DUSP22: variants seen among roughly 807,000 people sequenced by gnomAD.
DUSP22 encodes dual specificity phosphatase 22, also known as dual specificity protein phosphatase 22.
Under a neutral mutation model 24.5 loss-of-function variants are expected in DUSP22, and 24 were observed. The ratio of observed to expected loss-of-function variants is 0.98; its 90% confidence interval spans 0.71 to 1.38. DUSP22 has a LOEUF of 1.38. DUSP22 is among the 40% of genes most tolerant of loss of function. The probability of loss-of-function intolerance (pLI) is 0.00; values close to 1 mark genes in which losing one functional copy is unlikely to be tolerated. For synonymous variants in DUSP22, 160 were observed against 106.4 expected (o/e 1.50, Z -3.10); for missense variants, 330 against 269.2 (o/e 1.23, Z -1.58).
At chr6:326,494 G>T (rs1758880224) in intron 3 of DUSP22, among the ~76,000 whole-genome samples, 1 of 108,526 alleles carries the variant, frequency 9.2e-6, no homozygotes. Flanking sequence ...ATCTGCGGGT[G>T]CCTGGAGAGT....
Position 348,999 on chromosome 6 carries a change from C to G in DUSP22, c.*48C>G. 1.9e-6 allele frequency: 3 copies of G among 1,549,552 alleles called. No homozygotes were observed. The highest frequency in any genetic ancestry group is 1.7e-6 in the Non-Finnish European group (2 of 1,146,266). On this transcript the variant is annotated 3_prime_UTR_variant, in exon 7 of 7. Coordinates refer to ENST00000419235, the MANE Select transcript of DUSP22 (RefSeq NM_001286555.3). The stretch of plus-strand genomic sequence containing the variant: ...TTCCCACTGCTTGTCTTCAGTGTGC[C>G]CGGCTGGGCAGGGGTGCGGTGGTGG...
At chr6:346,904 C>T (rs562067110) in intron 5 of DUSP22, among the ~76,000 whole-genome samples, 1 of 152,422 alleles carries the variant, frequency 6.6e-6, no homozygotes, top group East Asian at 1.9e-4. Flanking sequence ...ATAATGTGTT[C>T]TGAGGGCCGA....
rs1760100337 is a variant in DUSP22, at chr6:349,784, C to T, written c.*833C>T. 4.1e-6 allele frequency: 4 copies of T among 985,862 alleles called. No homozygotes were observed. The highest frequency in any genetic ancestry group is 9.4e-5 in the South Asian group (2 of 21,300). 61.1% of individuals were successfully genotyped at this position (985,862 alleles called of 1,614,324 possible). ...CAAGGCCACTTTTCAGCCCATCGAG[C>T]CCTGAGTTCTACTTGGTGTTTGTTC... is the stretch of plus-strand genomic sequence containing the variant. On this transcript the variant is annotated 3_prime_UTR_variant, in exon 7 of 7. Coordinates refer to ENST00000419235, the MANE Select transcript of DUSP22 (RefSeq NM_001286555.3).
intron 3 of DUSP22, among the ~76,000 whole-genome samples, chr6:324,867 A>AG (rs549844250): frequency 1.3e-3 from 204 of 152,370 alleles, no homozygotes; most frequent in Non-Finnish European, 2.4e-3. Flanking sequence ...ATCACCAGCG[A>AG]GGGGCTCCGA....
chr6:303,673 A>G (rs1757686347), intron 1 of DUSP22, among the ~76,000 whole-genome samples: 2 of 152,426 alleles, frequency 1.3e-5, no homozygotes, highest in South Asian at 4.1e-4. Context: ...AAATCGTGGC[A>G]AGTGATATCG....
intron 2 of DUSP22, 137 bp downstream of exon 2, chr6:304,798 A>G (rs1757746412): frequency 7.7e-7 from 1 of 1,292,970 alleles, no homozygotes; most frequent in Non-Finnish European, 1.1e-6. Context: ...ATCCTTCTGC[A>G]GGACTTTTCA....
At chr6:314,659 G>A (rs926434108) in intron 3 of DUSP22, among the ~76,000 whole-genome samples, 3 of 152,306 alleles carry the variant, frequency 2.0e-5, no homozygotes, top group Non-Finnish European at 2.9e-5. Context: ...TGTGTTGTCG[G>A]AATAAAGGCT....
At chr6:345,224 C>CTT (rs4061670) in intron 4 of DUSP22, among the ~76,000 whole-genome samples, 383 of 145,946 alleles carry the variant, frequency 2.6e-3, no homozygotes, top group East Asian at 8.4e-3. Flanking sequence ...TGGTTTCTTT[C>CTT]TTTTTTTTTT....
At chr6:318,861 G>A (rs559869309) in intron 3 of DUSP22, among the ~76,000 whole-genome samples, 38 of 152,408 alleles carry the variant, frequency 2.5e-4, no homozygotes, top group African/African-American at 8.7e-4. Flanking sequence ...GGAATACTCG[G>A]CAGCAATTCA....
At chr6:312,248 G>T (rs1758144595) in intron 3 of DUSP22, among the ~76,000 whole-genome samples, 1 of 152,306 alleles carries the variant, frequency 6.6e-6, no homozygotes, top group Admixed American at 6.5e-5. Flanking sequence ...GGACCTTAAG[G>T]ACATTTAAAC....
chr6:301,632 G>A (rs1757585321), intron 1 of DUSP22, among the ~76,000 whole-genome samples: 1 of 152,422 alleles, frequency 6.6e-6, no homozygotes, highest in South Asian at 2.1e-4. Flanking sequence ...GCGCAAGGCT[G>A]AGGAGGGAGA....
chr6:304,433 G>A (rs1025533206), intron 1 of DUSP22, among the ~76,000 whole-genome samples, 195 bp from the exon 2 acceptor site: 5 of 152,310 alleles, frequency 3.3e-5, no homozygotes, highest in Admixed American at 6.5e-5. Flanking sequence ...TAAACCCAGC[G>A]AGTCGATGGG....
At chr6:343,374 T>TGGGGCAGCTGACTGACTGGCTGCAGG (rs1759701541) in intron 4 of DUSP22, among the ~76,000 whole-genome samples, 1 of 152,122 alleles carries the variant, frequency 6.6e-6, no homozygotes. Context: ...GTGCACAGGC[T>TGGGGCAGCTGACTGACTGGCTGCAGG]GGGGCAGCTG....
chr6:347,455 A>C (rs1236358999), intron 5 of DUSP22, among the ~76,000 whole-genome samples: 1 of 152,296 alleles, frequency 6.6e-6, no homozygotes, highest in African/African-American at 2.4e-5. Context: ...GACCGCCTTC[A>C]TTTGCATGTA....
intron 3 of DUSP22, among the ~76,000 whole-genome samples, chr6:321,686 C>T (rs1220681800): frequency 4.6e-5 from 7 of 151,848 alleles, no homozygotes; most frequent in Admixed American, 1.3e-4. Flanking sequence ...GAATTGAAAG[C>T]AAAAGAAAAA....
intron 3 of DUSP22, among the ~76,000 whole-genome samples, chr6:321,365 C>T (rs909765934): frequency 6.6e-6 from 1 of 152,300 alleles, no homozygotes; most frequent in African/African-American, 2.4e-5. Flanking sequence ...AGCAAAGATT[C>T]ATGAACAAAG....
At chr6:340,975 C>T (rs1230633743) in intron 4 of DUSP22, among the ~76,000 whole-genome samples, 2 of 152,128 alleles carry the variant, frequency 1.3e-5, no homozygotes, top group African/African-American at 4.8e-5. Context: ...CGGTAGAGCC[C>T]ATCTGGGCAC....
At chr6:340,869 C>T (rs1419794483) in intron 4 of DUSP22, among the ~76,000 whole-genome samples, 1 of 152,310 alleles carries the variant, frequency 6.6e-6, no homozygotes, top group Non-Finnish European at 1.5e-5. Context: ...ATCTTGCAGT[C>T]CTGGAGTGAG....
intron 1 of DUSP22, among the ~76,000 whole-genome samples, chr6:297,277 A>C (rs1388869916): frequency 6.6e-6 from 1 of 152,298 alleles, no homozygotes; most frequent in African/African-American, 2.4e-5. Context: ...CCCAATTACT[A>C]ATTGGGTTAT....
Sources: allele counts gnomAD v4.1 joint callset (sites outside exome capture counted in the v4.1 genomes callset), GRCh38; gene constraint gnomAD v4.1.1; transcripts MANE v1.5; gene names NCBI Gene and HGNC (gene_info 2026-07-23, HGNC 2026-07-21).